The following BCKDK variants were observed in gnomAD, a reference collection of about 807,000 sequenced individuals.
BCKDK encodes branched-chain alpha-ketoacid dehydrogenase kinase.
BCKDK carries 28 observed loss-of-function variants against 43.9 expected under a neutral mutation model. The observed-to-expected ratio is 0.64, with a 90% confidence interval of 0.47 to 0.87. The LOEUF (loss-of-function observed/expected upper bound fraction) is 0.87. BCKDK is among the 40% of genes least tolerant of loss of function. BCKDK has a pLI of 0.00. For synonymous variants in BCKDK, 257 were observed against 234.3 expected (o/e 1.10, Z -0.88); for missense variants, 483 against 581.4 (o/e 0.83, Z 1.74).
In BCKDK at chr16:31,109,246, G is replaced by A. The variant is rs780991397; in HGVS notation, c.23G>A (p.Arg8Lys). MILASVL[R>K]SGPGGGLPLR... is the part of the protein sequence containing the mutation. ...ACGATGATCCTGGCGTCGGTGCTGA[G>A]GAGCGGTCCCGGGGGCGGGCTTCCG... The change falls in exon 2 of 12, where the codon AGG (arginine) becomes AAG (lysine). Residue 8 changes from arginine to lysine, a missense_variant. By Grantham distance (26) the Arg-to-Lys change is conservative. Coordinates refer to ENST00000219794, the MANE Select transcript of BCKDK (RefSeq NM_005881.4). This position sits in a 1 kb window ranked among gnomAD's most constrained non-coding sequence, Gnocchi z 5.3. 8 of 1,533,790 alleles carry A rather than the reference G, an allele frequency of 5.2e-6. No individual in the cohort carries two copies. Among genetic ancestry groups the A allele is most frequent in the South Asian group, 1.3e-5 (1 of 79,972 alleles).
downstream of BCKDK, among the ~76,000 whole-genome samples, chr16:31,116,961 G>T (rs116260605): frequency 0.012 from 1,819 of 147,278 alleles, 48 homozygotes; most frequent in African/African-American, 0.043. Flanking sequence ...TTAGGCCAGC[G>T]CGAGTGTGCG....
At chr16:31,114,294 C>T (rs998649257), downstream of BCKDK, among the ~76,000 whole-genome samples, 2 of 144,622 alleles carry the variant, frequency 1.4e-5, no homozygotes, top group African/African-American at 5.1e-5. Flanking sequence ...CGCCCCACCC[C>T]CCCCCAACCC....
At position 31,110,374 on chromosome 16, in the gene BCKDK, G is replaced by A. The variant is rs1369761802; in HGVS notation, c.544-27G>A. The stretch of plus-strand genomic sequence containing the variant: ...GGCCTGCTGGGGGTGGGAAGGGCAC[G>A]GGATTCTGAGACCTCACTCTTTACA... On this transcript the variant is annotated intron_variant, in intron 6 of 11. Coordinates refer to ENST00000219794, the MANE Select transcript of BCKDK (RefSeq NM_005881.4). This position sits in a 1 kb window ranked among gnomAD's most constrained non-coding sequence, Gnocchi z 5.4. 7.4e-6 allele frequency: 12 copies of A among 1,613,884 alleles called. No homozygotes were observed. Among genetic ancestry groups the A allele is most frequent in the South Asian group, 4.4e-5 (4 of 91,076 alleles).
chr16:31,111,717 G>T, intron 10 of BCKDK, 152 bp from the exon 11 acceptor site: 1 of 1,024,372 alleles, frequency 9.8e-7, no homozygotes, highest in East Asian at 2.4e-5. Flanking sequence ...GCAGGGGTGA[G>T]GATGATATAA....
At position 31,110,324 on chromosome 16, in the gene BCKDK, G is replaced by A. The variant is rs1256167326; in HGVS notation, c.543G>A (p.Glu181=). The A allele has an allele frequency of 6.2e-7, 1 of 1,614,070 alleles. No homozygotes were observed. Among genetic ancestry groups the A allele is most frequent in the Admixed American group, 1.7e-5 (1 of 60,018 alleles). Residue 181 remains glutamate (E), a splice_region_variant and synonymous_variant, in exon 6 of 12, where the codon GAG becomes GAA. Transcript: ENST00000219794. This position sits in a 1 kb window ranked among gnomAD's most constrained non-coding sequence, Gnocchi z 5.4. ...TACGTGAGAGCCGGAAGCACATAGA[G>A]GTTGGGGCAGCAAAGGAGAGGCCGG... ...EGLRESRKHI[E]DEKLVRYFLD...
chr16:31,117,394 A>AAATAAATAAATAAATT (rs2057454316), downstream of BCKDK: 2 of 211,568 alleles, frequency 9.5e-6, no homozygotes, highest in South Asian at 3.9e-4. Flanking sequence ...ATAAATAAAT[A>AAATAAATAAATAAATT]AATAAATTAA....
rs761230648 is a variant in BCKDK, at chr16:31,111,089, A to C, written c.717-2A>C. On this transcript the variant is annotated splice_acceptor_variant, in intron 8 of 11. Coordinates refer to ENST00000219794, the MANE Select transcript of BCKDK (RefSeq NM_005881.4). LOFTEE classifies it high-confidence loss of function. ...TGACTGAACCCTCGCTCCTATCCGC[A>C]GACGCCTGTGTGAGCACAAGTATGG... is the stretch of plus-strand genomic sequence containing the variant. The C allele has an allele frequency of 6.2e-7, 1 of 1,614,030 alleles. No homozygotes were observed. Among genetic ancestry groups the C allele is most frequent in the Non-Finnish European group, 8.5e-7 (1 of 1,180,010 alleles).
downstream of BCKDK, chr16:31,117,607 C>T: frequency 8.3e-7 from 1 of 1,208,182 alleles, no homozygotes; most frequent in South Asian, 2.1e-5. Flanking sequence ...CTTGAGGAGC[C>T]CGCCCCACGC....
chr16:31,111,093 G>C lies in BCKDK; in HGVS notation c.719G>C (p.Arg240Pro), dbSNP rs777198302. The C allele has an allele frequency of 6.2e-7, 1 of 1,613,990 alleles. No individual in the cohort carries two copies. The highest frequency in any genetic ancestry group is 1.3e-5 in the African/African-American group (1 of 75,034). Reference sequence around the variant, plus strand: ...TGAACCCTCGCTCCTATCCGCAGACGCCTGTGTGAGCACAAGTATGGCAAT... The same window carrying C: ...TGAACCCTCGCTCCTATCCGCAGACCCCTGTGTGAGCACAAGTATGGCAAT... Reference protein sequence around the residue: ...IIEKWVDFARRLCEHKYGNAP... With the variant: ...IIEKWVDFARPLCEHKYGNAP... Residue 240 changes from arginine (R) to proline (P), a missense_variant and splice_region_variant, in exon 9 of 12, where the codon CGC becomes CCC. Transcript: ENST00000219794.
downstream of BCKDK, among the ~76,000 whole-genome samples, chr16:31,113,297 C>G (rs967934974): frequency 1.3e-5 from 2 of 152,146 alleles, no homozygotes; most frequent in Non-Finnish European, 2.9e-5. Flanking sequence ...CTACCCTTCA[C>G]GGGGATGGAG....
rs918848108 is a variant in BCKDK at position 31,109,898 on chromosome 16, A to T, written c.375+115A>T. ...CCTAAAGGTGTCAGGGCCACACAGGATTCAACCCCAGGCCTTCAGAAGCCA... is the reference window on the plus strand; with the variant it reads ...CCTAAAGGTGTCAGGGCCACACAGGTTTCAACCCCAGGCCTTCAGAAGCCA... On this transcript the variant is annotated intron_variant, in intron 4 of 11. Coordinates refer to ENST00000219794, the MANE Select transcript of BCKDK (RefSeq NM_005881.4). This position sits in a 1 kb window ranked among gnomAD's most constrained non-coding sequence, Gnocchi z 5.3. 13 of 1,376,908 alleles carry T rather than the reference A, an allele frequency of 9.4e-6. No individual in the cohort carries two copies. The highest frequency in any genetic ancestry group is 1.4e-5 in the African/African-American group (1 of 69,904). The allele number at this position is 1,376,908 out of a possible 1,614,324, so 85.3% of individuals were successfully genotyped here.
At position 31,109,243 on chromosome 16, in the gene BCKDK, T is replaced by C; in HGVS notation, c.20T>C (p.Leu7Pro). The change falls in exon 2 of 12, where the codon CTG (leucine) becomes CCG (proline). Residue 7 changes from leucine to proline, a missense_variant. By Grantham distance (98) the Leu-to-Pro change is moderately conservative. Transcript: ENST00000219794. This position sits in a 1 kb window ranked among gnomAD's most constrained non-coding sequence, Gnocchi z 5.3. Reference protein sequence around the residue: MILASVLRSGPGGGLPL... With the variant: MILASVPRSGPGGGLPL... ...AAGACGATGATCCTGGCGTCGGTGC[T>C]GAGGAGCGGTCCCGGGGGCGGGCTT... 6.5e-7 allele frequency: 1 copy of C among 1,531,594 alleles called. No individual in the cohort carries two copies. Among genetic ancestry groups the C allele is most frequent in the South Asian group, 1.3e-5 (1 of 79,616 alleles). The allele number at this position is 1,531,594 out of a possible 1,614,324, so 94.9% of individuals were successfully genotyped here.
In BCKDK at chr16:31,110,979, A is replaced by G; in HGVS notation, c.717-112A>G. ...GCCAGCAGTACTGCCTAGTTGTGACAAACAAAAATGTCTCTGCACATTGCC... is the reference window on the plus strand; with the variant it reads ...GCCAGCAGTACTGCCTAGTTGTGACGAACAAAAATGTCTCTGCACATTGCC... On this transcript the variant is annotated intron_variant, in intron 8 of 11. Coordinates refer to ENST00000219794, the MANE Select transcript of BCKDK (RefSeq NM_005881.4). This position sits in a 1 kb window ranked among gnomAD's most constrained non-coding sequence, Gnocchi z 5.4. 6.5e-7 allele frequency: 1 copy of G among 1,534,480 alleles called. No homozygotes were observed. The highest frequency in any genetic ancestry group is 8.8e-7 in the Non-Finnish European group (1 of 1,132,272).
At chr16:31,113,891 G>C (rs933590867), downstream of BCKDK, among the ~76,000 whole-genome samples, 1 of 152,154 alleles carries the variant, frequency 6.6e-6, no homozygotes, top group Non-Finnish European at 1.5e-5. Context: ...GTAGGAAGGG[G>C]AAGGGGAGGA....
At chr16:31,114,744 A>G (rs1431861315), downstream of BCKDK, among the ~76,000 whole-genome samples, 1 of 152,206 alleles carries the variant, frequency 6.6e-6, no homozygotes, top group African/African-American at 2.4e-5. Flanking sequence ...ATAGTTATAC[A>G]TGCTTAACTG....
rs2057402075 is a variant in BCKDK at position 31,110,424 on chromosome 16, C to G, written c.567C>G (p.Phe189Leu). Residue 189 changes from phenylalanine (F) to leucine (L), a missense_variant, in exon 7 of 12, where the codon TTC (phenylalanine) becomes TTG (leucine). Transcript: ENST00000219794. This position sits in a 1 kb window ranked among gnomAD's most constrained non-coding sequence, Gnocchi z 5.4. ...HIEDEKLVRY[F>L]LDKTLTSRLG... is the part of the protein sequence containing the mutation. ...AGGATGAAAAGCTCGTCCGCTACTT[C>G]TTGGACAAGACGCTGACTTCGAGGC... The G allele has an allele frequency of 6.2e-7, 1 of 1,613,816 alleles. No homozygotes were observed. The highest frequency in any genetic ancestry group is 1.3e-5 in the African/African-American group (1 of 74,916).
Position 31,109,647 on chromosome 16 carries a change from CG to C in BCKDK, c.265-25del. On this transcript the variant is annotated intron_variant, in intron 3 of 11. Transcript: ENST00000219794. This position sits in a 1 kb window ranked among gnomAD's most constrained non-coding sequence, Gnocchi z 5.3. ...CTCCCAGACACTCAGGCTCCAGCCC[CG>C]CCTTCCCTTCTCATTTTCTCCCAGA... 1 of 1,613,762 alleles carries C rather than the reference CG, an allele frequency of 6.2e-7. No individual in the cohort carries two copies. The highest frequency in any genetic ancestry group is 1.3e-5 in the African/African-American group (1 of 75,050).
At position 31,110,745 on chromosome 16, in the gene BCKDK, T is replaced by C; in HGVS notation, c.700T>C (p.Trp234Arg). Residue 234 changes from tryptophan (W) to arginine (R), a missense_variant, in exon 8 of 12, where the codon TGG (tryptophan) becomes CGG (arginine). Physicochemically the swap from Trp to Arg is moderately radical, Grantham distance 101. Coordinates refer to ENST00000219794, the MANE Select transcript of BCKDK (RefSeq NM_005881.4). The surrounding 1 kb of genome is among the most constrained non-coding windows in gnomAD (Gnocchi z 5.4). ...CTCACCAAAGAAGATTATTGAGAAG[T>C]GGGTGGACTTTGCCAGGTGAGGCAA... ...RLSPKKIIEK[W>R]VDFARRLCEH... 6.2e-7 allele frequency: 1 copy of C among 1,613,818 alleles called. No homozygotes were observed. The highest frequency in any genetic ancestry group is 1.7e-4 in the Middle Eastern group (1 of 6,060).
At position 31,110,580 on chromosome 16, in the gene BCKDK, C is replaced by T. The variant is rs949246621; in HGVS notation, c.642+81C>T. 3 of 1,593,142 alleles carry T rather than the reference C, an allele frequency of 1.9e-6. No homozygotes were observed. In the African/African-American group the frequency reaches 4.0e-5, roughly 21 times the overall value. On this transcript the variant is annotated intron_variant, in intron 7 of 11. Transcript: ENST00000219794. This position sits in a 1 kb window ranked among gnomAD's most constrained non-coding sequence, Gnocchi z 5.4. ...TGGGCTGGGGATCCGGGTCAAGGGCCTGGGGGCTGAGGCTGTGGGGCTGGT... is the reference window on the plus strand; with the variant it reads ...TGGGCTGGGGATCCGGGTCAAGGGCTTGGGGGCTGAGGCTGTGGGGCTGGT...
Sources: allele counts gnomAD v4.1 joint callset (sites outside exome capture counted in the v4.1 genomes callset), GRCh38; gene constraint gnomAD v4.1.1; non-coding constraint Gnocchi (gnomAD v3.1); transcripts MANE v1.5; gene names NCBI Gene and HGNC (gene_info 2026-07-23, HGNC 2026-07-21).